STK10: variants seen among roughly 807,000 people sequenced by gnomAD.
STK10 encodes serine/threonine-protein kinase 10.
In STK10, 78 loss-of-function variants were observed where a neutral mutation model predicts 113.8. The ratio of observed to expected loss-of-function variants is 0.69; its 90% confidence interval spans 0.57 to 0.83. The LOEUF (loss-of-function observed/expected upper bound fraction) is 0.83, where lower values mean the gene tolerates loss of function less well. Ranked by LOEUF, STK10 falls within the 40% of genes least tolerant of loss-of-function variation. STK10 has a pLI of 0.00. For synonymous variants in STK10, 465 were observed against 494.7 expected (o/e 0.94, Z 0.80); for missense variants, 1,109 against 1,280.1 (o/e 0.87, Z 2.04).
rs1441366581 is a variant in STK10, at chr5:172,187,305, T to G, written c.156+582A>C. Among the ~76,000 whole-genome samples the G allele has an allele frequency of 1.3e-5, 2 of 151,126 alleles. No individual in the cohort carries two copies. Among genetic ancestry groups the G allele is most frequent in the Admixed American group, 6.6e-5 (1 of 15,200 alleles). ...GCTCAGCATTCACCAGATCCTGACC[T>G]CCCCCTCTGACCAGCCCCAACCCAC... On this transcript the variant is annotated intron_variant, in intron 1 of 18. Transcript: ENST00000176763. The surrounding 1 kb of genome is among the most constrained non-coding windows in gnomAD (Gnocchi z 4.6).
chr5:172,162,057 T>C (rs1770481432), intron 1 of STK10, among the ~76,000 whole-genome samples: 1 of 152,176 alleles, frequency 6.6e-6, no homozygotes, highest in Non-Finnish European at 1.5e-5. Context: ...AAAGCTTGTT[T>C]AGGCCGGGCG....
At chr5:172,098,982 T>C (rs1374011788) in intron 7 of STK10, among the ~76,000 whole-genome samples, 37 of 115,872 alleles carry the variant, frequency 3.2e-4, no homozygotes, top group Non-Finnish European at 3.7e-4. Flanking sequence ...CCACCATCAT[T>C]ACCATCACCA....
Position 172,053,012 on chromosome 5 carries a change from C to A in STK10, c.2683G>T (p.Glu895Ter). 6.2e-7 allele frequency: 1 copy of A among 1,614,138 alleles called. No individual in the cohort carries two copies. Among genetic ancestry groups the A allele is most frequent in the East Asian group, 2.2e-5 (1 of 44,882 alleles). The change falls in exon 18 of 19, where the codon GAA (glutamate) becomes TAA (stop). Residue 895 changes from glutamate to a stop codon, truncating the protein, a stop_gained. Coordinates refer to ENST00000176763, the MANE Select transcript of STK10 (RefSeq NM_005990.4). LOFTEE classifies it high-confidence loss of function. Reference protein sequence around the residue: ...NEKCHLLVEHETQKLKALDES... With the variant: ...NEKCHLLVEH Reference sequence around the variant, plus strand: ...TCCAGGGCCTTCAGTTTCTGGGTTTCGTGCTCTACCAGGAGGTGGCACTTT... The same window carrying A: ...TCCAGGGCCTTCAGTTTCTGGGTTTAGTGCTCTACCAGGAGGTGGCACTTT...
At chr5:172,090,201 T>C (rs992707943) in intron 10 of STK10, 31 bp downstream of exon 10, 41 of 1,612,322 alleles carry the variant, frequency 2.5e-5, no homozygotes, top group Non-Finnish European at 3.1e-5. Flanking sequence ...CCCACCCTGT[T>C]ACCACCATTG....
chr5:172,099,827 C>T (rs1768942789), intron 7 of STK10, among the ~76,000 whole-genome samples: 1 of 152,238 alleles, frequency 6.6e-6, no homozygotes. Flanking sequence ...CTTCTGGAAA[C>T]ACCAGGTTTT....
At chr5:172,112,305 G>C (rs6892805) in intron 4 of STK10, among the ~76,000 whole-genome samples, 18,701 of 151,884 alleles carry the variant, frequency 0.12, 1,158 homozygotes, top group Middle Eastern at 0.15. Context: ...ATGTCTGCAC[G>C]CATGTGCATA....
chr5:172,184,837 T>A (rs1770923679), intron 1 of STK10, among the ~76,000 whole-genome samples: 1 of 151,982 alleles, frequency 6.6e-6, no homozygotes, highest in Non-Finnish European at 1.5e-5. Context: ...ATTTTTTTAT[T>A]TTTAGTAGAG....
At chr5:172,162,381 A>C (rs547522986) in intron 1 of STK10, among the ~76,000 whole-genome samples, 1 of 152,242 alleles carries the variant, frequency 6.6e-6, no homozygotes, top group South Asian at 2.1e-4. Context: ...AAGCTTGTTT[A>C]GAATGCCTTA....
At chr5:172,067,580 G>A (rs957375296) in intron 12 of STK10, among the ~76,000 whole-genome samples, 1 of 151,962 alleles carries the variant, frequency 6.6e-6, no homozygotes, top group Non-Finnish European at 1.5e-5. Context: ...TGTACTCCAT[G>A]AGGTAAAGCC....
chr5:172,188,022 G>C lies in STK10; in HGVS notation c.21C>G (p.Arg7=). 6.2e-7 allele frequency: 1 copy of C among 1,612,948 alleles called. No homozygotes were observed. Among genetic ancestry groups the C allele is most frequent in the South Asian group, 1.1e-5 (1 of 91,072 alleles). MAFANF[R]RILRLSTFEK... ...CGAAGGTAGACAGGCGCAGGATGCGGCGGAAATTGGCAAAAGCCATGGCCG... is the reference window on the plus strand; with the variant it reads ...CGAAGGTAGACAGGCGCAGGATGCGCCGGAAATTGGCAAAAGCCATGGCCG... Residue 7 remains arginine, a synonymous_variant, in exon 1 of 19, where the codon CGC becomes CGG. Coordinates refer to ENST00000176763, the MANE Select transcript of STK10 (RefSeq NM_005990.4). This position sits in a 1 kb window ranked among gnomAD's most constrained non-coding sequence, Gnocchi z 5.6.
At chr5:172,182,174 G>A (rs900354230) in intron 1 of STK10, among the ~76,000 whole-genome samples, 6 of 151,228 alleles carry the variant, frequency 4.0e-5, no homozygotes, top group East Asian at 2.0e-4. Flanking sequence ...GTGGCGGTGC[G>A]CACCTGTAAT....
intron 12 of STK10, among the ~76,000 whole-genome samples, chr5:172,076,254 T>C (rs568990317): frequency 9.4e-6 from 1 of 105,852 alleles, no homozygotes; most frequent in Non-Finnish European, 1.9e-5. Context: ...TCCTGTGCGT[T>C]AGTTGTGGGG....
At chr5:172,073,810 A>G (rs1465362152) in intron 12 of STK10, among the ~76,000 whole-genome samples, 3 of 149,494 alleles carry the variant, frequency 2.0e-5, no homozygotes, top group East Asian at 1.9e-4. Context: ...AAAAAAAAAA[A>G]AAAAATTAGT....
intron 2 of STK10, among the ~76,000 whole-genome samples, chr5:172,139,264 G>A (rs1769929706): frequency 6.6e-6 from 1 of 152,070 alleles, no homozygotes; most frequent in Non-Finnish European, 1.5e-5. Flanking sequence ...AAAGGTGAAG[G>A]TCGCACACTT....
chr5:172,111,852 G>T (rs1025334704), intron 4 of STK10, among the ~76,000 whole-genome samples: 2 of 152,216 alleles, frequency 1.3e-5, no homozygotes, highest in Admixed American at 6.5e-5. Context: ...TAAAGAGACA[G>T]AATTTGCTAA....
intron 1 of STK10, among the ~76,000 whole-genome samples, chr5:172,169,335 G>A (rs1770624548): frequency 6.6e-6 from 1 of 152,180 alleles, no homozygotes; most frequent in African/African-American, 2.4e-5. Context: ...AGAGCCAGTG[G>A]GTAGATGGGA....
rs17074294 is a variant in STK10, at chr5:172,082,721, C to T, written c.1810-216G>A. The stretch of plus-strand genomic sequence containing the variant: ...GGAGACCAGACCATGTGTTGTTGCA[C>T]GGTGCTCAATACAGGTTATTTCCCC... On this transcript the variant is annotated intron_variant, in intron 11 of 18. Coordinates refer to ENST00000176763, the MANE Select transcript of STK10 (RefSeq NM_005990.4). This position sits in a 1 kb window ranked among gnomAD's most constrained non-coding sequence, Gnocchi z 4.3. 0.22 allele frequency among the ~76,000 whole-genome samples: 32,829 copies of T among 152,042 alleles called. 4,700 individuals are homozygous for T. The highest frequency in any genetic ancestry group is 0.4 in the African/African-American group (16,659 of 41,408).
intron 2 of STK10, among the ~76,000 whole-genome samples, chr5:172,152,779 T>C (rs1475351762): frequency 3.9e-5 from 6 of 152,160 alleles, no homozygotes; most frequent in African/African-American, 1.4e-4. Flanking sequence ...TGATGAAAAT[T>C]TAGCTCCCAA....
rs1293553930 is a variant in STK10 at position 172,093,114 on chromosome 5, CTGACCTCTGGA to C, written c.1554+287_1554+297del. 1.3e-5 allele frequency among the ~76,000 whole-genome samples: 2 copies of C among 152,218 alleles called. No homozygotes were observed. Among genetic ancestry groups the C allele is most frequent in the African/African-American group, 4.8e-5 (2 of 41,444 alleles). On this transcript the variant is annotated intron_variant, in intron 9 of 18. Transcript: ENST00000176763. This position sits in a 1 kb window ranked among gnomAD's most constrained non-coding sequence, Gnocchi z 4.1. ...ACCAGTTATCAGCTGGGTCTCGTGG[CTGACCTCTGGA>C]TGACAGAACTTCATTTGTAGCTAAG...
Sources: gnomAD v4.1 joint callset for allele counts (sites outside exome capture counted in the v4.1 genomes callset) on GRCh38, gnomAD v4.1.1 for gene constraint, Gnocchi (gnomAD v3.1) non-coding constraint, MANE v1.5 for transcripts, NCBI Gene and HGNC (gene_info 2026-07-23, HGNC 2026-07-21) for gene names.